Variants in UBE3D observed in about 807,000 individuals in gnomAD.
UBE3D encodes ubiquitin protein ligase E3D.
A neutral mutation model predicts 49.6 loss-of-function variants in UBE3D; 48 were observed. That is an observed-to-expected ratio of 0.97 (90% confidence interval 0.77 to 1.23). The LOEUF (loss-of-function observed/expected upper bound fraction) is 1.23, where lower values mean the gene tolerates loss of function less well. Ranked by LOEUF, UBE3D falls within the 50% of genes most tolerant of loss-of-function variation. The pLI is 0.00. For missense variants in UBE3D, 452 were observed against 468.4 expected (o/e 0.96, Z 0.32); for synonymous variants, 189 against 174.2 (o/e 1.08, Z -0.67).
chr6:82,975,312 CATA>C (rs1293261989), intron 8 of UBE3D, among the ~76,000 whole-genome samples: 6 of 152,022 alleles, frequency 3.9e-5, no homozygotes, highest in African/African-American at 1.4e-4. Flanking sequence ...GAAAGACAGT[CATA>C]ATATTTTGAT....
chr6:82,916,549 A>G (rs1316928363), intron 9 of UBE3D, among the ~76,000 whole-genome samples: 1 of 152,230 alleles, frequency 6.6e-6, no homozygotes, highest in African/African-American at 2.4e-5. Flanking sequence ...GCTTCAATAA[A>G]TGAAATATTG....
intron 8 of UBE3D, among the ~76,000 whole-genome samples, chr6:82,977,039 G>A (rs1293946870): frequency 2.0e-5 from 3 of 148,722 alleles, no homozygotes; most frequent in African/African-American, 2.5e-5. Context: ...GCGTCAACCC[G>A]GGAGGCGGAG....
intron 1 of UBE3D, among the ~76,000 whole-genome samples, chr6:83,063,956 A>C (rs186483864): frequency 5.1e-4 from 78 of 152,332 alleles, no homozygotes; most frequent in African/African-American, 1.7e-3. Flanking sequence ...AGCTGTATTC[A>C]TAATAAGCAA....
At chr6:82,952,678 C>T (rs1775888080) in intron 9 of UBE3D, among the ~76,000 whole-genome samples, 1 of 152,052 alleles carries the variant, frequency 6.6e-6, no homozygotes, top group African/African-American at 2.4e-5. Flanking sequence ...CCTGCTTCAG[C>T]CCCCAAAGTG....
the UBE3D span, among the ~76,000 whole-genome samples, chr6:82,883,285 G>A: frequency 1.3e-5 from 2 of 152,146 alleles, no homozygotes; most frequent in African/African-American, 4.8e-5. Flanking sequence ...AAAGGATATA[G>A]AACCTTTTAA....
intron 3 of UBE3D, among the ~76,000 whole-genome samples, chr6:83,046,806 G>T (rs1783091385): frequency 6.6e-6 from 1 of 152,010 alleles, no homozygotes; most frequent in African/African-American, 2.4e-5. Context: ...GGGATTCATG[G>T]ATCCCCAAGA....
downstream of UBE3D, among the ~76,000 whole-genome samples, chr6:82,892,052 A>T: frequency 6.6e-6 from 1 of 152,106 alleles, no homozygotes; most frequent in South Asian, 2.1e-4. Context: ...CGGATAGAAA[A>T]CTCAGGGTTT....
At chr6:82,947,834 C>T (rs1173626261) in intron 9 of UBE3D, among the ~76,000 whole-genome samples, 1 of 151,896 alleles carries the variant, frequency 6.6e-6, no homozygotes, top group East Asian at 1.9e-4. Context: ...AATGGAAACA[C>T]ATATACCAAA....
At chr6:82,982,207 A>G (rs573269678) in intron 8 of UBE3D, among the ~76,000 whole-genome samples, 13 of 152,298 alleles carry the variant, frequency 8.5e-5, no homozygotes, top group African/African-American at 2.9e-4. Context: ...CAACCCCTGG[A>G]TCTTTTTGAA....
chr6:82,962,356 A>C (rs974372355), intron 8 of UBE3D, among the ~76,000 whole-genome samples: 3 of 152,204 alleles, frequency 2.0e-5, no homozygotes, highest in Admixed American at 2.0e-4. Flanking sequence ...ATAGAAATAA[A>C]AATACATTGG....
intron 4 of UBE3D, among the ~76,000 whole-genome samples, chr6:83,040,414 T>C (rs895670729): frequency 6.6e-6 from 1 of 151,528 alleles, no homozygotes; most frequent in African/African-American, 2.4e-5. Flanking sequence ...TATATATATA[T>C]ATATTCAATC....
intron 9 of UBE3D, among the ~76,000 whole-genome samples, chr6:82,925,877 T>C (rs912624027): frequency 6.6e-6 from 1 of 152,142 alleles, no homozygotes; most frequent in Admixed American, 6.6e-5. Flanking sequence ...ACTTTGTTCC[T>C]ACTAAGTAAA....
chr6:83,018,628 G>A, intron 8 of UBE3D: 1 of 217,364 alleles, frequency 4.6e-6, no homozygotes, highest in Non-Finnish European at 9.0e-6. Context: ...TAAGAGGTAG[G>A]GGCTGGGGTT....
At chr6:82,904,224 T>C (rs927437610) in intron 9 of UBE3D, among the ~76,000 whole-genome samples, 1 of 152,134 alleles carries the variant, frequency 6.6e-6, no homozygotes, top group African/African-American at 2.4e-5. Flanking sequence ...CAATTTTTTA[T>C]CATCAAAGTT....
intron 9 of UBE3D, among the ~76,000 whole-genome samples, chr6:82,919,478 C>T (rs1036067902): frequency 6.6e-6 from 1 of 151,898 alleles, no homozygotes; most frequent in African/African-American, 2.4e-5. Context: ...GTGGCAGGCG[C>T]CTGTAGTCCC....
intron 3 of UBE3D, chr6:83,049,888 T>G: frequency 2.2e-6 from 1 of 451,388 alleles, no homozygotes; most frequent in Admixed American, 2.4e-5. Flanking sequence ...TGGCTGTTTC[T>G]GAGACTATTC....
At chr6:82,948,918 C>A (rs1279513198) in intron 9 of UBE3D, among the ~76,000 whole-genome samples, 9 of 151,980 alleles carry the variant, frequency 5.9e-5, no homozygotes. Flanking sequence ...TAGTATCATA[C>A]TGAATGGGGA....
At chr6:82,988,638 G>C (rs1288670038) in intron 8 of UBE3D, among the ~76,000 whole-genome samples, 5 of 152,132 alleles carry the variant, frequency 3.3e-5, no homozygotes, top group African/African-American at 9.7e-5. Context: ...CATGTGGGCT[G>C]TCACAGCAGA....
the UBE3D span, among the ~76,000 whole-genome samples, chr6:82,884,020 C>T: frequency 6.6e-6 from 1 of 152,310 alleles, no homozygotes; most frequent in East Asian, 1.9e-4. Flanking sequence ...GGTGTTTTAG[C>T]ATTTGAGTAT....
Sources: allele counts gnomAD v4.1 joint callset (sites outside exome capture counted in the v4.1 genomes callset), GRCh38; gene constraint gnomAD v4.1.1; transcripts MANE v1.5; gene names NCBI Gene and HGNC (gene_info 2026-07-23, HGNC 2026-07-21).